FSTL1: variants seen among roughly 807,000 people sequenced by gnomAD.
FSTL1 encodes the protein follistatin-related protein 1.
A neutral mutation model predicts 45.9 loss-of-function variants in FSTL1; 24 were observed. That is an observed-to-expected ratio of 0.52 (90% CI 0.38 to 0.74). The LOEUF (loss-of-function observed/expected upper bound fraction) is 0.74. FSTL1 is among the 30% of genes least tolerant of loss of function. FSTL1 has a pLI of 0.00. For missense variants in FSTL1, 340 were observed against 381.8 expected (o/e 0.89, Z 0.91); for synonymous variants, 120 against 137.6 (o/e 0.87, Z 0.89).
chr3:120,435,970 T>C (rs1183992785), intron 2 of FSTL1, among the ~76,000 whole-genome samples: 1 of 152,058 alleles, frequency 6.6e-6, no homozygotes, highest in African/African-American at 2.4e-5. Flanking sequence ...CGCAATTACC[T>C]AAGCTGTAAA....
At chr3:120,415,291 C>T (rs1212415639) in intron 3 of FSTL1, among the ~76,000 whole-genome samples, 4 of 152,144 alleles carry the variant, frequency 2.6e-5, no homozygotes, top group Admixed American at 2.0e-4. Context: ...TAGTGGTAAA[C>T]AACCCAAAGA....
chr3:120,399,543 T>C (rs949468180), intron 10 of FSTL1, among the ~76,000 whole-genome samples: 2 of 152,192 alleles, frequency 1.3e-5, no homozygotes, highest in Admixed American at 1.3e-4. Flanking sequence ...TCTTTGGGTC[T>C]GGACACTGGT....
chr3:120,412,838 G>GCGCACACACACACACACACACA (rs1429168694), intron 3 of FSTL1, among the ~76,000 whole-genome samples: 1 of 106,192 alleles, frequency 9.4e-6, no homozygotes, highest in East Asian at 3.0e-4. Context: ...GCGCGCGCGC[G>GCGCACACACACACACACACACA]CACACACACA....
intron 3 of FSTL1, among the ~76,000 whole-genome samples, chr3:120,415,003 TA>T (rs138778788): frequency 0.091 from 13,440 of 147,356 alleles, 845 homozygotes; most frequent in Non-Finnish European, 0.13. Context: ...ATAAATAAAT[TA>T]AAAAAAAAAG....
rs1936630333 is a variant in FSTL1, at chr3:120,393,479, T to A, written c.*3473A>T. 6.6e-6 allele frequency: 1 copy of A among 152,076 alleles called. No homozygotes were observed. The highest frequency in any genetic ancestry group is 1.5e-5 in the Non-Finnish European group (1 of 68,020). The allele number at this position is 152,076 out of a possible 1,614,324, so 9.4% of individuals were successfully genotyped here. A position where few individuals can be genotyped will look rare whatever the true frequency, so the allele number is the denominator to read the frequency against. On this transcript the variant is annotated 3_prime_UTR_variant, in exon 11 of 11. Transcript: ENST00000295633. ...TGGAACTGTTTACCCCCATGGAATGTGTGTATCAAGGAAGTGCCATTAAGG... is the reference window on the plus strand; with the variant it reads ...TGGAACTGTTTACCCCCATGGAATGAGTGTATCAAGGAAGTGCCATTAAGG...
chr3:120,413,759 T>C (rs1937116250), intron 3 of FSTL1, among the ~76,000 whole-genome samples: 2 of 141,442 alleles, frequency 1.4e-5, no homozygotes, highest in South Asian at 4.7e-4. Context: ...CTTTGTTTTT[T>C]AAACATTAAA....
At chr3:120,410,601 T>G in intron 5 of FSTL1, 1 of 377,482 alleles carries the variant, frequency 2.6e-6, no homozygotes, top group South Asian at 2.2e-5. Context: ...TTATCCCCTT[T>G]CAAAAAGAGT....
intron 2 of FSTL1, among the ~76,000 whole-genome samples, chr3:120,428,418 G>T (rs1339419352): frequency 1.3e-5 from 2 of 152,152 alleles, no homozygotes; most frequent in Non-Finnish European, 2.9e-5. Flanking sequence ...GCATAGCAAA[G>T]TAGCACCAGT....
intron 2 of FSTL1, among the ~76,000 whole-genome samples, chr3:120,417,486 A>G (rs1156507240): frequency 6.6e-6 from 1 of 152,152 alleles, no homozygotes; most frequent in Non-Finnish European, 1.5e-5. Flanking sequence ...GCTGTTGATA[A>G]ACCAATTCTT....
chr3:120,415,215 C>T (rs1323155844), intron 3 of FSTL1, among the ~76,000 whole-genome samples: 1 of 150,912 alleles, frequency 6.6e-6, no homozygotes, highest in African/African-American at 2.4e-5. Flanking sequence ...GCCCTGGTGT[C>T]AATCAATGCT....
At chr3:120,414,352 CCGCCATCACATCTAGGAAGTGAGGAGCGT>C (rs1937145204) in intron 3 of FSTL1, among the ~76,000 whole-genome samples, 1 of 151,770 alleles carries the variant, frequency 6.6e-6, no homozygotes, top group East Asian at 1.9e-4. Context: ...CTCTTCCCGG[CCGCCATCACATCTAGGAAGTGAGGAGCGT>C]CTCTGCCCGG....
intron 10 of FSTL1, among the ~76,000 whole-genome samples, chr3:120,398,616 ACT>A (rs766238029): frequency 1.3e-5 from 2 of 151,768 alleles, no homozygotes; most frequent in South Asian, 2.1e-4. Context: ...CTGAATACAC[ACT>A]CTTCATTACT....
intron 3 of FSTL1, 56 bp from the exon 4 acceptor site, chr3:120,412,039 ACACACACACACATACATG>A: frequency 2.8e-6 from 2 of 704,416 alleles, no homozygotes; most frequent in Non-Finnish European, 4.5e-6. Flanking sequence ...ACACACAGAC[ACACACACACACATACATG>A]CACACACACA....
At chr3:120,398,634 C>T (rs1936755403) in intron 10 of FSTL1, among the ~76,000 whole-genome samples, 1 of 152,212 alleles carries the variant, frequency 6.6e-6, no homozygotes, top group African/African-American at 2.4e-5. Context: ...TTACTTCCTT[C>T]TCTTTCTGGA....
At chr3:120,410,464 C>G in intron 5 of FSTL1, 1 of 289,982 alleles carries the variant, frequency 3.4e-6, no homozygotes, top group Non-Finnish European at 6.8e-6. Context: ...ACAATAAGAT[C>G]TACTTCACAA....
chr3:120,403,961 C>CAAAAAA (rs57786208), intron 7 of FSTL1, among the ~76,000 whole-genome samples: 1 of 75,772 alleles, frequency 1.3e-5, no homozygotes, highest in South Asian at 4.6e-4. Context: ...CAAAACAAAA[C>CAAAAAA]AAAAACAAAA....
intron 7 of FSTL1, among the ~76,000 whole-genome samples, chr3:120,404,310 T>C (rs976048416): frequency 3.3e-5 from 5 of 152,224 alleles, no homozygotes; most frequent in African/African-American, 1.2e-4. Flanking sequence ...AAAAAAGACA[T>C]GCTTTTCCTA....
intron 6 of FSTL1, among the ~76,000 whole-genome samples, chr3:120,406,462 A>G (rs1936949734): frequency 6.6e-6 from 1 of 152,238 alleles, no homozygotes; most frequent in Non-Finnish European, 1.5e-5. Context: ...CACATGGCCC[A>G]AGTGGGCACC....
At chr3:120,414,251 G>A (rs1422012672) in intron 3 of FSTL1, among the ~76,000 whole-genome samples, 3 of 152,104 alleles carry the variant, frequency 2.0e-5, no homozygotes. Flanking sequence ...TATCGTCTGG[G>A]ATGTGAGGAG....
Sources: allele counts gnomAD v4.1 joint callset (sites outside exome capture counted in the v4.1 genomes callset), GRCh38; gene constraint gnomAD v4.1.1; transcripts MANE v1.5; gene names NCBI Gene and HGNC (gene_info 2026-07-23, HGNC 2026-07-21).